The following ZNF678 variants were observed in gnomAD, a reference collection of about 807,000 sequenced individuals.
The protein encoded by ZNF678 is zinc finger protein 678.
ZNF678 carries 5 observed loss-of-function variants against 3.0 expected under a neutral mutation model. That is an observed-to-expected ratio of 1.69 (90% CI 0.88 to 3.56). ZNF678 has a LOEUF of 3.56. Ranked by LOEUF, ZNF678 falls within the 30% of genes most tolerant of loss-of-function variation. ZNF678 has a pLI of 0.00. For missense variants in ZNF678, 593 were observed against 605.0 expected, an observed-to-expected ratio of 0.98 and a Z score of 0.21; for synonymous variants, 218 against 199.6, an observed-to-expected ratio of 1.09 and a Z score of -0.78.
At chr1:227,589,253 C>G (rs1279876659) in intron 1 of ZNF678, among the ~76,000 whole-genome samples, 2 of 151,682 alleles carry the variant, frequency 1.3e-5, no homozygotes, top group African/African-American at 4.9e-5. Context: ...AGATTTTCTT[C>G]TAGGGTTTTT....
intron 1 of ZNF678, among the ~76,000 whole-genome samples, chr1:227,610,278 T>A (rs897453053): frequency 1.3e-5 from 2 of 152,180 alleles, no homozygotes; most frequent in African/African-American, 4.8e-5. Context: ...TTACAAGGAT[T>A]TAATAAATAG....
intron 1 of ZNF678, among the ~76,000 whole-genome samples, chr1:227,604,031 A>G (rs1290486899): frequency 6.6e-6 from 1 of 152,220 alleles, no homozygotes; most frequent in Non-Finnish European, 1.5e-5. Flanking sequence ...TTGATGGCCA[A>G]ATAGGATTCC....
At position 227,655,254 on chromosome 1, in the gene ZNF678, A is replaced by G. The variant is rs1416285782; in HGVS notation, c.1004A>G (p.His335Arg). 1 of 1,610,160 alleles carries G rather than the reference A, an allele frequency of 6.2e-7. No homozygotes were observed. The change falls in exon 4 of 4, where the codon CAC becomes CGC. Residue 335 changes from histidine (H) to arginine (R), a missense_variant. Physicochemically the swap from His to Arg is conservative, Grantham distance 29. Transcript: ENST00000343776. ...ECGKTFNRCS[H>R]LSSHKRIHTG... ...GGCAAAACTTTTAATCGGTGTTCAC[A>G]CCTAAGTAGCCATAAGAGAATTCAT...
chr1:227,617,721 G>C (rs1658175938), intron 1 of ZNF678, among the ~76,000 whole-genome samples: 1 of 152,204 alleles, frequency 6.6e-6, no homozygotes, highest in South Asian at 2.1e-4. Context: ...GAAGGAACAT[G>C]ATTGAAAAAT....
chr1:227,584,654 G>A (rs1467693145), intron 1 of ZNF678, among the ~76,000 whole-genome samples: 2 of 152,192 alleles, frequency 1.3e-5, no homozygotes, highest in African/African-American at 4.8e-5. Flanking sequence ...TTTGTAGTTG[G>A]GGAGAAAGAT....
rs187937618 is a variant in ZNF678 at position 227,601,819 on chromosome 1, T to C, written c.-164+38095T>C. Reference sequence around the variant, plus strand: ...ACCTCGTGACCTGCCTGCCTCAGCCTCCCAAAGTGCTGGGATTACAGGTGT... The same window carrying C: ...ACCTCGTGACCTGCCTGCCTCAGCCCCCCAAAGTGCTGGGATTACAGGTGT... On this transcript the variant is annotated intron_variant, in intron 1 of 3. Transcript: ENST00000343776. Among the ~76,000 whole-genome samples, 530 of 152,296 alleles carry C rather than the reference T, an allele frequency of 3.5e-3. 11 individuals are homozygous for C. Among genetic ancestry groups the C allele is most frequent in the Admixed American group, 0.029 (440 of 15,298 alleles).
At chr1:227,574,819 C>G (rs958766896) in intron 1 of ZNF678, among the ~76,000 whole-genome samples, 2 of 152,102 alleles carry the variant, frequency 1.3e-5, no homozygotes, top group African/African-American at 4.8e-5. Context: ...TTCTATCCAT[C>G]TTAAGTTAAT....
At chr1:227,650,270 T>C (rs1481424356) in intron 2 of ZNF678, among the ~76,000 whole-genome samples, 1 of 152,228 alleles carries the variant, frequency 6.6e-6, no homozygotes, top group African/African-American at 2.4e-5. Flanking sequence ...AACTATCTTT[T>C]GTGCATTGTG....
intron 1 of ZNF678, among the ~76,000 whole-genome samples, chr1:227,583,238 G>A (rs1028804226): frequency 6.6e-6 from 1 of 151,782 alleles, no homozygotes; most frequent in Non-Finnish European, 1.5e-5. Flanking sequence ...TAGACATCCA[G>A]GCAACAAATA....
intron 1 of ZNF678, among the ~76,000 whole-genome samples, chr1:227,585,738 C>G (rs1001572983): frequency 2.6e-5 from 4 of 151,946 alleles, no homozygotes; most frequent in Non-Finnish European, 5.9e-5. Flanking sequence ...GATCACACCA[C>G]TGCACTCCAG....
At chr1:227,590,465 T>C (rs1182737605) in intron 1 of ZNF678, among the ~76,000 whole-genome samples, 1 of 151,758 alleles carries the variant, frequency 6.6e-6, no homozygotes. Context: ...ACTACATGAT[T>C]TGGTTGAGCA....
chr1:227,650,749 T>C (rs552732646), intron 2 of ZNF678, among the ~76,000 whole-genome samples: 3 of 152,302 alleles, frequency 2.0e-5, no homozygotes, highest in African/African-American at 7.2e-5. Flanking sequence ...GAGTTTTTTT[T>C]ATTAAGTGGT....
chr1:227,624,078 T>C (rs909601455), intron 1 of ZNF678, among the ~76,000 whole-genome samples: 1 of 152,226 alleles, frequency 6.6e-6, no homozygotes, highest in Non-Finnish European at 1.5e-5. Flanking sequence ...AGAGATCACA[T>C]GTATAGATAC....
At chr1:227,663,734 A>G (rs745508779), downstream of ZNF678, among the ~76,000 whole-genome samples, 85 of 152,172 alleles carry the variant, frequency 5.6e-4, 1 homozygote, top group Non-Finnish European at 1.5e-4. Flanking sequence ...ACCATTTGCC[A>G]TTTAGGACTC....
rs1390587356 is a variant in ZNF678 at position 227,658,505 on chromosome 1, C to T, written c.*2677C>T. On this transcript the variant is annotated 3_prime_UTR_variant, in exon 4 of 4. Transcript: ENST00000343776. ...AAATTAAGAGGAATTGTGTTTATTT[C>T]ATAGTTATCTCTGGTACTTCACTGT... 1 of 152,024 alleles carries T rather than the reference C, an allele frequency of 6.6e-6. No homozygotes were observed. Among genetic ancestry groups the T allele is most frequent in the Non-Finnish European group, 1.5e-5 (1 of 67,942 alleles). The allele number at this position is 152,024 out of a possible 1,614,324, so 9.4% of individuals were successfully genotyped here.
intron 1 of ZNF678, among the ~76,000 whole-genome samples, chr1:227,593,556 C>T (rs967210462): frequency 1.3e-5 from 2 of 152,022 alleles, no homozygotes; most frequent in Admixed American, 6.5e-5. Context: ...TTTACTAATG[C>T]CCAGTCTGAG....
At chr1:227,640,724 T>C (rs1031816957) in intron 1 of ZNF678, among the ~76,000 whole-genome samples, 1 of 152,142 alleles carries the variant, frequency 6.6e-6, no homozygotes. Flanking sequence ...AGGGTGGATA[T>C]CTTGCCTGAG....
chr1:227,677,698 C>T (rs1268184687), downstream of ZNF678, among the ~76,000 whole-genome samples: 1 of 152,194 alleles, frequency 6.6e-6, no homozygotes. Flanking sequence ...AGACAGTTCT[C>T]ACAGGCAGAT....
At chr1:227,640,308 A>G (rs1438413986) in intron 1 of ZNF678, among the ~76,000 whole-genome samples, 1 of 151,940 alleles carries the variant, frequency 6.6e-6, no homozygotes, top group African/African-American at 2.4e-5. Flanking sequence ...GGAAGATGGC[A>G]GCTGGGAAGA....
Sources: allele counts gnomAD v4.1 joint callset (sites outside exome capture counted in the v4.1 genomes callset), GRCh38; gene constraint gnomAD v4.1.1; transcripts MANE v1.5; gene names NCBI Gene and HGNC (gene_info 2026-07-23, HGNC 2026-07-21).